The following CPO variants were observed in gnomAD, a reference collection of about 807,000 sequenced individuals.
The protein encoded by CPO is metallocarboxypeptidase C.
In CPO, 43 loss-of-function variants were observed where a neutral mutation model predicts 41.2. The ratio of observed to expected loss-of-function variants is 1.04; its 90% CI spans 0.82 to 1.35. The LOEUF is 1.35. Among genes scored for constraint, CPO ranks in the 40% most tolerant of loss-of-function variants. The pLI, the probability that CPO is intolerant of heterozygous loss-of-function variation, is 0.00. For synonymous variants in CPO, 178 were observed against 162.7 expected (o/e 1.09, Z -0.72); for missense variants, 408 against 451.7 (o/e 0.90, Z 0.88).
intron 6 of CPO, 63 bp from the exon 7 acceptor site, chr2:206,962,349 T>A: frequency 1.4e-6 from 2 of 1,456,630 alleles, no homozygotes; most frequent in Non-Finnish European, 1.9e-6. Context: ...GATGACTCCT[T>A]GCCATTGGTC....
chr2:206,957,159 C>G (rs1360947103), intron 3 of CPO, among the ~76,000 whole-genome samples: 1 of 152,094 alleles, frequency 6.6e-6, no homozygotes, highest in South Asian at 2.1e-4. Context: ...GGGTGGAACA[C>G]GAGATCAGGA....
intron 7 of CPO, among the ~76,000 whole-genome samples, chr2:206,963,010 A>G (rs1328311367): frequency 1.3e-5 from 2 of 152,236 alleles, no homozygotes; most frequent in African/African-American, 2.4e-5. Flanking sequence ...AATATGGCAT[A>G]TCTAAAATAA....
chr2:206,955,701 C>T (rs1022920699), intron 3 of CPO, 137 bp downstream of exon 3: 1 of 638,856 alleles, frequency 1.6e-6, no homozygotes. Context: ...CCAAATGGGG[C>T]TCTTAAAGTT....
chr2:206,940,342 A>G (rs1318267522), intron 1 of CPO, among the ~76,000 whole-genome samples: 1 of 152,072 alleles, frequency 6.6e-6, no homozygotes, highest in Admixed American at 6.6e-5. Context: ...AGGAAAATGT[A>G]AGGATCTTGC....
chr2:206,962,935 T>C (rs2105828396), intron 7 of CPO, among the ~76,000 whole-genome samples: 1 of 152,364 alleles, frequency 6.6e-6, no homozygotes, highest in South Asian at 2.1e-4. Context: ...TAAATTCTCT[T>C]GGAGCTCCGT....
At chr2:206,948,297 A>G (rs1693183903) in intron 1 of CPO, among the ~76,000 whole-genome samples, 1 of 152,246 alleles carries the variant, frequency 6.6e-6, no homozygotes, top group Non-Finnish European at 1.5e-5. Context: ...GGAAACTTAA[A>G]TGCATACTAT....
chr2:206,956,450 C>G (rs948679243), intron 3 of CPO, among the ~76,000 whole-genome samples: 3 of 152,090 alleles, frequency 2.0e-5, no homozygotes, highest in African/African-American at 7.2e-5. Context: ...CACCTGAGGG[C>G]TTGTTACAAA....
intron 1 of CPO, among the ~76,000 whole-genome samples, chr2:206,944,495 A>G (rs918250097): frequency 2.0e-5 from 3 of 152,024 alleles, no homozygotes; most frequent in African/African-American, 4.8e-5. Context: ...AATAACATGA[A>G]GATGATTGTT....
At chr2:206,951,294 G>A (rs980375758) in intron 2 of CPO, among the ~76,000 whole-genome samples, 4 of 152,130 alleles carry the variant, frequency 2.6e-5, no homozygotes, top group Non-Finnish European at 4.4e-5. Flanking sequence ...TATTTGTATT[G>A]CTATTAAGAT....
chr2:206,959,673 C>T lies in CPO; in HGVS notation c.415C>T (p.Leu139Phe), dbSNP rs756879943. ...HKDNSSIRKL[L>F]RNLDFYVLPV... is the part of the protein sequence containing the mutation. ...AGACAACTCAAGTATACGCAAGCTC[C>T]TTAGGAACCTGGACTTCTATGTCCT... Residue 139 changes from leucine to phenylalanine, a missense_variant, in exon 5 of 9, where the codon CTT becomes TTT. Transcript: ENST00000272852. The T allele has an allele frequency of 2.5e-6, 4 of 1,576,860 alleles. No homozygotes were observed. The highest frequency in any genetic ancestry group is 3.5e-6 in the Non-Finnish European group (4 of 1,146,118).
rs112868011 is a variant in CPO, at chr2:206,969,206, C to T, written c.895C>T (p.Arg299Ter). The change falls in exon 9 of 9, where the codon CGA becomes TGA. Residue 299 changes from arginine to a stop codon, truncating the protein, a stop_gained. Transcript: ENST00000272852. LOFTEE classifies it low-confidence loss of function (END_TRUNC). Reference sequence around the variant, plus strand: ...ATCAGGGTCTTCAAGAGATTGGGCCCGAGACATTGGGATTCCCTTCTCATA... The same window carrying T: ...ATCAGGGTCTTCAAGAGATTGGGCCTGAGACATTGGGATTCCCTTCTCATA... ...ASSGSSRDWA[R>*]DIGIPFSYTF... is the part of the protein sequence containing the mutation. 155 of 1,614,094 alleles carry T rather than the reference C, an allele frequency of 9.6e-5. 3 individuals carry two copies. The highest frequency in any genetic ancestry group is 6.3e-4 in the African/African-American group (47 of 75,004).
intron 7 of CPO, 126 bp from the exon 8 acceptor site, chr2:206,968,137 T>C (rs533226133): frequency 1.4e-6 from 1 of 709,722 alleles, no homozygotes; most frequent in East Asian, 2.7e-5. Flanking sequence ...TAGATGTAGA[T>C]GTCCGATGGG....
intron 1 of CPO, among the ~76,000 whole-genome samples, chr2:206,943,735 TAGATAGATAGATAGATAGATAGA>T (rs2105818130): frequency 1.2e-5 from 1 of 81,548 alleles, no homozygotes; most frequent in East Asian, 3.3e-4. Flanking sequence ...AGATGATAGA[TAGATAGATAGATAGATAGATAGA>T]TAGATAGATA....
At chr2:206,945,613 G>A (rs1037719805) in intron 1 of CPO, among the ~76,000 whole-genome samples, 1 of 152,166 alleles carries the variant, frequency 6.6e-6, no homozygotes, top group African/African-American at 2.4e-5. Context: ...AATTTACAGA[G>A]TTGTAGTGAG....
At chr2:206,959,828 C>T (rs1574354197) in intron 5 of CPO, 87 bp downstream of exon 5, 1 of 612,482 alleles carries the variant, frequency 1.6e-6, no homozygotes, top group East Asian at 2.7e-5. Flanking sequence ...CATTCCGGCT[C>T]TAAAAATATT....
At chr2:206,942,905 T>G (rs1693055326) in intron 1 of CPO, among the ~76,000 whole-genome samples, 1 of 152,214 alleles carries the variant, frequency 6.6e-6, no homozygotes, top group Non-Finnish European at 1.5e-5. Flanking sequence ...TAAGCATTTT[T>G]AATATCGGGG....
In CPO at chr2:206,949,730, G is replaced by C. The variant is rs557477673; in HGVS notation, c.165+17G>C. The C allele has an allele frequency of 2.6e-6, 4 of 1,551,636 alleles. No homozygotes were observed. Among genetic ancestry groups the C allele is most frequent in the Middle Eastern group, 1.7e-4 (1 of 5,950 alleles). On this transcript the variant is annotated intron_variant, in intron 2 of 8. Coordinates refer to ENST00000272852, the MANE Select transcript of CPO (RefSeq NM_173077.3). ...ATGGGAGAGGTAAGGAAGGACACAT[G>C]GCAGGAGGTTGGTGGTTGTCACAAC...
chr2:206,955,429 T>C (rs375871402), intron 2 of CPO, 34 bp from the exon 3 acceptor site: 6 of 1,229,792 alleles, frequency 4.9e-6, no homozygotes, highest in African/African-American at 1.5e-5. Context: ...ACAATCTTCC[T>C]ACTGATAGCC....
intron 7 of CPO, among the ~76,000 whole-genome samples, chr2:206,963,286 T>C (rs559718961): frequency 2.0e-5 from 3 of 152,392 alleles, no homozygotes; most frequent in Admixed American, 6.5e-5. Context: ...AAAGAGAGGA[T>C]AAATTTAGAA....
Sources: gnomAD v4.1 joint callset for allele counts (sites outside exome capture counted in the v4.1 genomes callset) on GRCh38, gnomAD v4.1.1 for gene constraint, MANE v1.5 for transcripts, NCBI Gene and HGNC (gene_info 2026-07-23, HGNC 2026-07-21) for gene names.